Variants in AFF3 observed in about 807,000 individuals in gnomAD.
AFF3 encodes the protein AF4/FMR2 family member 3.
In AFF3, 32 loss-of-function variants were observed where a neutral mutation model predicts 129.7. The ratio of observed to expected loss-of-function variants is 0.25; its 90% CI spans 0.19 to 0.33. The LOEUF (loss-of-function observed/expected upper bound fraction) is 0.33. Ranked by LOEUF, AFF3 falls within the 10% of genes least tolerant of loss-of-function variation. The pLI, the probability that AFF3 is intolerant of heterozygous loss-of-function variation, is 1.00. For synonymous variants in AFF3, 644 were observed against 635.4 expected (o/e 1.01, Z -0.20); for missense variants, 1,373 against 1,592.0 (o/e 0.86, Z 2.34).
intron 12 of AFF3, among the ~76,000 whole-genome samples, chr2:99,660,001 T>C (rs1380084306): frequency 1.3e-5 from 2 of 152,210 alleles, no homozygotes; most frequent in Non-Finnish European, 2.9e-5. Flanking sequence ...AGGCCAGACC[T>C]TGAGCAAGGC....
chr2:99,649,810 G>A (rs1685067196), intron 12 of AFF3, 144 bp from the exon 13 acceptor site: 1 of 805,154 alleles, frequency 1.2e-6, no homozygotes, highest in Non-Finnish European at 2.1e-6. Context: ...ATGAAGTAGA[G>A]AGCACTGTTG....
intron 13 of AFF3, among the ~76,000 whole-genome samples, chr2:99,603,982 T>C (rs947574436): frequency 6.6e-6 from 1 of 152,114 alleles, no homozygotes; most frequent in Non-Finnish European, 1.5e-5. Context: ...ATAATAGGTG[T>C]TGGCGAGGTT....
intron 17 of AFF3, among the ~76,000 whole-genome samples, chr2:99,579,687 T>C (rs888338371): frequency 3.3e-5 from 5 of 152,214 alleles, no homozygotes; most frequent in African/African-American, 4.8e-5. Flanking sequence ...ACCATTGCAC[T>C]CCAGCCTGGA....
At chr2:99,820,131 T>C (rs1687541179) in intron 8 of AFF3, among the ~76,000 whole-genome samples, 1 of 152,228 alleles carries the variant, frequency 6.6e-6, no homozygotes, top group Non-Finnish European at 1.5e-5. Flanking sequence ...GGATTCATTC[T>C]GAGAAATGCG....
At chr2:99,712,280 T>C (rs1251018674) in intron 11 of AFF3, among the ~76,000 whole-genome samples, 1 of 152,240 alleles carries the variant, frequency 6.6e-6, no homozygotes, top group Non-Finnish European at 1.5e-5. Flanking sequence ...AGTCGCCTCT[T>C]GGCAGCGTGC....
chr2:99,786,785 G>A lies in AFF3; in HGVS notation c.922-34484C>T, dbSNP rs970595685. 3.3e-5 allele frequency among the ~76,000 whole-genome samples: 5 copies of A among 152,234 alleles called. No individual in the cohort carries two copies. The East Asian group carries it at 5.8e-4, about 18-fold the overall frequency. On this transcript the variant is annotated intron_variant, in intron 8 of 24. Coordinates refer to ENST00000672756, the MANE Select transcript of AFF3 (RefSeq NM_001386135.1). ...GCTTTAGTGATGGATTCAATGTGCC[G>A]TGGAGTTTTGTCCTTTCCCAAACTT...
chr2:99,580,155 G>A (rs1022029875), intron 17 of AFF3, among the ~76,000 whole-genome samples: 4 of 152,062 alleles, frequency 2.6e-5, no homozygotes, highest in African/African-American at 4.8e-5. Flanking sequence ...TTCTTTCTCG[G>A]GACCTCTGCA....
At chr2:99,824,124 T>C (rs939677476) in intron 8 of AFF3, among the ~76,000 whole-genome samples, 12 of 152,104 alleles carry the variant, frequency 7.9e-5, no homozygotes, top group African/African-American at 2.9e-4. Context: ...AAAATCCTTT[T>C]TTTTTTTTGA....
rs777961154 is a variant in AFF3, at chr2:99,947,573, GA to G, written c.873+59058del. Among the ~76,000 whole-genome samples the G allele has an allele frequency of 7.4e-3, 1,083 of 146,358 alleles. 32 individuals are homozygous for G. Among genetic ancestry groups the G allele is most frequent in the African/African-American group, 0.027 (1,036 of 38,292 alleles). ...AGAAAGAGAGAGAAAGAGAAAGAAA[GA>G]AAAGAAAAGAAAGAAAGAAAGAAAG... On this transcript the variant is annotated intron_variant, in intron 7 of 24. Transcript: ENST00000672756.
intron 7 of AFF3, among the ~76,000 whole-genome samples, chr2:99,933,531 T>C (rs1674241734): frequency 6.6e-6 from 1 of 152,004 alleles, no homozygotes; most frequent in South Asian, 2.1e-4. Flanking sequence ...GGGTGTGATG[T>C]TCCCCTTCCT....
intron 7 of AFF3, among the ~76,000 whole-genome samples, chr2:99,932,134 C>T (rs553017478): frequency 2.6e-5 from 4 of 152,330 alleles, no homozygotes; most frequent in African/African-American, 9.6e-5. Context: ...TGGACGCATG[C>T]AGGCCAGGAT....
At chr2:99,670,484 T>C (rs1687054334) in intron 12 of AFF3, among the ~76,000 whole-genome samples, 1 of 152,138 alleles carries the variant, frequency 6.6e-6, no homozygotes, top group Non-Finnish European at 1.5e-5. Context: ...GAAAAATCAT[T>C]TATGTTAAAT....
chr2:99,655,114 T>C (rs1055087538), intron 12 of AFF3, among the ~76,000 whole-genome samples: 3 of 149,612 alleles, frequency 2.0e-5, no homozygotes, highest in African/African-American at 7.3e-5. Context: ...AAGTACCTAC[T>C]ATGTGCAAGC....
Position 99,554,643 on chromosome 2 carries a change from T to C in AFF3, c.3335+40A>G, listed in dbSNP as rs778414468. On this transcript the variant is annotated intron_variant, in intron 23 of 24. Coordinates refer to ENST00000672756, the MANE Select transcript of AFF3 (RefSeq NM_001386135.1). Reference sequence around the variant, plus strand: ...AGCGCAGTGGCCCAGCACCATGCATTGTCTGGCTTACGGCATTGACTTTGG... The same window carrying C: ...AGCGCAGTGGCCCAGCACCATGCATCGTCTGGCTTACGGCATTGACTTTGG... 4.3e-6 allele frequency: 7 copies of C among 1,613,790 alleles called. No individual in the cohort carries two copies. The Admixed American group carries it at 5.0e-5, about 12-fold the overall frequency.
At chr2:99,790,494 A>C (rs1685118697) in intron 8 of AFF3, among the ~76,000 whole-genome samples, 1 of 152,226 alleles carries the variant, frequency 6.6e-6, no homozygotes, top group African/African-American at 2.4e-5. Flanking sequence ...ATTTGAGGAT[A>C]AGATGTTTCC....
intron 4 of AFF3, among the ~76,000 whole-genome samples, chr2:100,019,920 C>A (rs890998891): frequency 6.6e-6 from 1 of 152,128 alleles, no homozygotes; most frequent in Non-Finnish European, 1.5e-5. Flanking sequence ...GCCACTTTCT[C>A]GTGTTTGCTC....
intron 10 of AFF3, among the ~76,000 whole-genome samples, chr2:99,734,238 AT>A (rs1357265137): frequency 6.6e-6 from 1 of 151,932 alleles, no homozygotes; most frequent in Non-Finnish European, 1.5e-5. Flanking sequence ...GGGAAATGAA[AT>A]TAATTGTGTA....
At chr2:99,721,098 A>G (rs184755898) in intron 11 of AFF3, among the ~76,000 whole-genome samples, 312 of 152,280 alleles carry the variant, frequency 2.0e-3, no homozygotes, top group Non-Finnish European at 3.5e-3. Context: ...CTTCCATCTC[A>G]TATTATTACC....
intron 11 of AFF3, among the ~76,000 whole-genome samples, chr2:99,716,776 G>T (rs533648336): frequency 3.4e-4 from 51 of 151,950 alleles, no homozygotes; most frequent in African/African-American, 1.0e-3. Flanking sequence ...AGCTACTTTG[G>T]GGGGGCTGAG....
Sources: allele counts gnomAD v4.1 joint callset (sites outside exome capture counted in the v4.1 genomes callset), GRCh38; gene constraint gnomAD v4.1.1; transcripts MANE v1.5; gene names NCBI Gene and HGNC (gene_info 2026-07-23, HGNC 2026-07-21).